TBX15: variants seen among roughly 807,000 people sequenced by gnomAD.
The protein encoded by TBX15 is T-box transcription factor 15, also known as T-box transcription factor TBX15.
A neutral mutation model predicts 53.9 loss-of-function variants in TBX15; 18 were observed. The observed-to-expected ratio is 0.33, with a 90% CI of 0.23 to 0.49. The LOEUF (loss-of-function observed/expected upper bound fraction) is 0.49, where lower values mean the gene tolerates loss of function less well. TBX15 is among the 20% of genes least tolerant of loss of function. The probability of loss-of-function intolerance (pLI) is 0.98; values close to 1 mark genes in which losing one functional copy is unlikely to be tolerated. For synonymous variants in TBX15, 295 were observed against 278.0 expected, an observed-to-expected ratio of 1.06 and a Z score of -0.61; for missense variants, 692 against 749.5, an observed-to-expected ratio of 0.92 and a Z score of 0.90.
At chr1:118,890,781 G>A (rs1157866665) in intron 7 of TBX15, 1 of 732,304 alleles carries the variant, frequency 1.4e-6, no homozygotes, top group East Asian at 6.9e-5. Context: ...ATTTTGCTGT[G>A]CTTTTCTCCC....
At chr1:118,943,414 A>G (rs1211919464) in intron 1 of TBX15, among the ~76,000 whole-genome samples, 1 of 152,186 alleles carries the variant, frequency 6.6e-6, no homozygotes, top group Non-Finnish European at 1.5e-5. Flanking sequence ...AGAAGAAACA[A>G]CGAAAATGCC....
rs1653836752 is a variant in TBX15 at position 118,884,235 on chromosome 1, G to A, written c.*497C>T. On this transcript the variant is annotated 3_prime_UTR_variant, in exon 8 of 8. Transcript: ENST00000369429. The stretch of plus-strand genomic sequence containing the variant: ...AGAGTTGTACACAGACAAATTCTTG[G>A]TGAAAGCACCCATTCTGGGCCTCCC... 1 of 170,788 alleles carries A rather than the reference G, an allele frequency of 5.9e-6. No homozygotes were observed. Among genetic ancestry groups the A allele is most frequent in the East Asian group, 1.6e-4 (1 of 6,174 alleles). 10.6% of individuals were successfully genotyped at this position (170,788 alleles called of 1,614,324 possible).
At chr1:118,989,267 C>T (rs1242673571), upstream of TBX15, 1 of 152,284 alleles carries the variant, frequency 6.6e-6, no homozygotes, top group Non-Finnish European at 1.5e-5. Context: ...CCGCCCCCTG[C>T]CTTTTGCGAT....
chr1:118,901,591 C>A (rs950549035), intron 6 of TBX15, among the ~76,000 whole-genome samples: 7 of 152,244 alleles, frequency 4.6e-5, no homozygotes, highest in African/African-American at 1.4e-4. Context: ...GAATTCAAAT[C>A]TAAAATCCAA....
rs192064523 is a variant in TBX15 at position 118,901,680 on chromosome 1, C to T, written c.927-2555G>A. 7.0e-4 allele frequency among the ~76,000 whole-genome samples: 107 copies of T among 152,252 alleles called. 1 individual carries two copies. The highest frequency in any genetic ancestry group is 2.5e-3 in the African/African-American group (105 of 41,548). On this transcript the variant is annotated intron_variant, in intron 6 of 7. Coordinates refer to ENST00000369429, the MANE Select transcript of TBX15 (RefSeq NM_001330677.2). ...ATGTCATCTACTATAACTCTTATGA[C>T]ACCATCTTGAATGGTTATCCACCTC...
intron 1 of TBX15, among the ~76,000 whole-genome samples, chr1:118,983,142 A>G (rs1657701811): frequency 6.6e-6 from 1 of 152,176 alleles, no homozygotes; most frequent in Non-Finnish European, 1.5e-5. Flanking sequence ...CCCTGGGTCT[A>G]TCATTACTGG....
chr1:118,955,458 G>A (rs939314823), intron 1 of TBX15, among the ~76,000 whole-genome samples: 1 of 152,084 alleles, frequency 6.6e-6, no homozygotes, highest in Non-Finnish European at 1.5e-5. Flanking sequence ...ATCAATCAAT[G>A]AATAATGGGG....
At chr1:118,919,236 G>A (rs1655345413) in intron 5 of TBX15, among the ~76,000 whole-genome samples, 1 of 152,178 alleles carries the variant, frequency 6.6e-6, no homozygotes, top group Non-Finnish European at 1.5e-5. Flanking sequence ...TTCCCCCAGA[G>A]AAGACAAAGA....
chr1:118,920,007 A>G (rs1159486114), intron 5 of TBX15, among the ~76,000 whole-genome samples: 1 of 152,200 alleles, frequency 6.6e-6, no homozygotes, highest in Non-Finnish European at 1.5e-5. Flanking sequence ...AAACTTCTCC[A>G]TAGACTAGTA....
At chr1:118,935,648 CA>C (rs974773192) in intron 1 of TBX15, among the ~76,000 whole-genome samples, 53 of 152,120 alleles carry the variant, frequency 3.5e-4, no homozygotes, top group Non-Finnish European at 6.8e-4. Context: ...CTCATCCCCC[CA>C]AAAAAATCCT....
chr1:118,917,908 C>T (rs1423872255), intron 5 of TBX15, among the ~76,000 whole-genome samples: 1 of 152,192 alleles, frequency 6.6e-6, no homozygotes, highest in Non-Finnish European at 1.5e-5. Context: ...AACCCATTCA[C>T]ACTCCCTTGC....
chr1:118,896,606 A>G (rs1220790777), intron 7 of TBX15, among the ~76,000 whole-genome samples: 1 of 152,216 alleles, frequency 6.6e-6, no homozygotes, highest in African/African-American at 2.4e-5. Flanking sequence ...CACCAATCTT[A>G]GGTTTGGTGC....
chr1:118,929,638 T>C (rs949292833), intron 2 of TBX15, among the ~76,000 whole-genome samples: 5 of 152,186 alleles, frequency 3.3e-5, no homozygotes, highest in African/African-American at 1.2e-4. Context: ...ATCCAGATAT[T>C]AAGGTGAACT....
intron 1 of TBX15, among the ~76,000 whole-genome samples, chr1:118,951,006 T>C (rs1426041489): frequency 6.6e-6 from 1 of 152,156 alleles, no homozygotes; most frequent in African/African-American, 2.4e-5. Flanking sequence ...AGAAGAACAA[T>C]TTTCATACTG....
chr1:118,978,058 A>C (rs1657496970), intron 1 of TBX15, among the ~76,000 whole-genome samples: 1 of 152,192 alleles, frequency 6.6e-6, no homozygotes, highest in African/African-American at 2.4e-5. Flanking sequence ...AATAACTTAC[A>C]TTTCCTTTAA....
chr1:118,929,999 C>A (rs901540172), intron 2 of TBX15, among the ~76,000 whole-genome samples: 3 of 152,036 alleles, frequency 2.0e-5, no homozygotes, highest in Non-Finnish European at 4.4e-5. Context: ...ACCCAAGCAA[C>A]GAAAAAGAGA....
At chr1:118,943,426 T>C (rs1316798744) in intron 1 of TBX15, among the ~76,000 whole-genome samples, 1 of 152,128 alleles carries the variant, frequency 6.6e-6, no homozygotes. Context: ...GAAAATGCCA[T>C]GTAAGGAAGC....
intron 6 of TBX15, 133 bp downstream of exon 6, chr1:118,913,982 C>G (rs1655107509): frequency 2.4e-6 from 2 of 845,074 alleles, no homozygotes; most frequent in South Asian, 2.9e-5. Flanking sequence ...CTATCCATTT[C>G]TCTTTGCCGA....
At chr1:118,891,543 G>A (rs1296955589) in intron 7 of TBX15, among the ~76,000 whole-genome samples, 1 of 152,114 alleles carries the variant, frequency 6.6e-6, no homozygotes, top group Non-Finnish European at 1.5e-5. Flanking sequence ...GAAGGCATGT[G>A]ACTCAGGCCT....
Sources: gnomAD v4.1 joint callset for allele counts (sites outside exome capture counted in the v4.1 genomes callset) on GRCh38, gnomAD v4.1.1 for gene constraint, MANE v1.5 for transcripts, NCBI Gene and HGNC (gene_info 2026-07-23, HGNC 2026-07-21) for gene names.